The following HDAC9 variants were observed in gnomAD, a reference collection of about 807,000 sequenced individuals.
HDAC9 encodes the protein MEF-2 interacting transcription repressor (MITR) protein.
Under a neutral mutation model 139.4 loss-of-function variants are expected in HDAC9, and 41 were observed. The observed-to-expected ratio is 0.29, with a 90% CI of 0.23 to 0.38. The LOEUF (loss-of-function observed/expected upper bound fraction) is 0.38, where lower values mean the gene tolerates loss of function less well. Ranked by LOEUF, HDAC9 falls within the 10% of genes least tolerant of loss-of-function variation. HDAC9 has a pLI of 1.00. For synonymous variants in HDAC9, 517 were observed against 476.2 expected, an observed-to-expected ratio of 1.09 and a Z score of -1.12; for missense variants, 1,147 against 1,297.0, an observed-to-expected ratio of 0.88 and a Z score of 1.78.
At chr7:18,290,757 A>C (rs1401259712) in intron 1 of HDAC9, among the ~76,000 whole-genome samples, 1 of 152,206 alleles carries the variant, frequency 6.6e-6, no homozygotes, top group Non-Finnish European at 1.5e-5. Flanking sequence ...AGACAAGACT[A>C]AAGTATTTTG....
At chr7:18,398,800 A>G (rs769115747) in intron 1 of HDAC9, among the ~76,000 whole-genome samples, 10 of 151,816 alleles carry the variant, frequency 6.6e-5, no homozygotes, top group Non-Finnish European at 1.3e-4. Flanking sequence ...AAAGTAATAA[A>G]CCCCTGGAAA....
chr7:18,845,012 G>C (rs1796818664), intron 21 of HDAC9, among the ~76,000 whole-genome samples: 1 of 152,110 alleles, frequency 6.6e-6, no homozygotes, highest in South Asian at 2.1e-4. Flanking sequence ...CAGGAACAGA[G>C]ATAATAAAAT....
chr7:18,497,767 C>T (rs1797310490), intron 2 of HDAC9, among the ~76,000 whole-genome samples: 1 of 152,114 alleles, frequency 6.6e-6, no homozygotes, highest in South Asian at 2.1e-4. Context: ...ATCTTTTCAG[C>T]ACTATGCTTT....
intron 2 of HDAC9, among the ~76,000 whole-genome samples, chr7:18,176,949 A>G (rs1016780429): frequency 3.3e-5 from 5 of 152,220 alleles, no homozygotes; most frequent in Non-Finnish European, 7.3e-5. Context: ...CAGGAAGCCA[A>G]CTATAGATAT....
intron 2 of HDAC9, among the ~76,000 whole-genome samples, chr7:18,541,063 C>T (rs1248304102): frequency 6.7e-6 from 1 of 148,616 alleles, no homozygotes; most frequent in African/African-American, 2.5e-5. Context: ...ATACTAAATA[C>T]ATGGCATCTA....
upstream of HDAC9, among the ~76,000 whole-genome samples, chr7:18,493,192 T>G (rs1437588554): frequency 6.6e-6 from 1 of 151,918 alleles, no homozygotes; most frequent in East Asian, 1.9e-4. Context: ...CAATTGTTGT[T>G]TGAAGGTGTA....
chr7:18,202,912 C>T (rs1489511108), intron 2 of HDAC9, among the ~76,000 whole-genome samples: 1 of 152,176 alleles, frequency 6.6e-6, no homozygotes, highest in African/African-American at 2.4e-5. Context: ...TCAGTTTGCT[C>T]ATCTGCACAA....
chr7:18,165,364 A>G (rs1345702495), intron 2 of HDAC9, among the ~76,000 whole-genome samples: 1 of 152,216 alleles, frequency 6.6e-6, no homozygotes, highest in African/African-American at 2.4e-5. Context: ...ATTCAACAGC[A>G]CTAGTGTTTC....
intron 1 of HDAC9, among the ~76,000 whole-genome samples, chr7:18,401,923 G>T (rs1402926147): frequency 6.6e-6 from 1 of 152,108 alleles, no homozygotes; most frequent in Non-Finnish European, 1.5e-5. Flanking sequence ...TTCTCAATCT[G>T]TTGTTCCCTT....
chr7:18,293,890 A>G (rs1411460896), intron 1 of HDAC9, among the ~76,000 whole-genome samples: 1 of 152,174 alleles, frequency 6.6e-6, no homozygotes, highest in Non-Finnish European at 1.5e-5. Flanking sequence ...TAAACATTTA[A>G]TAAGTTTTAA....
intron 2 of HDAC9, among the ~76,000 whole-genome samples, chr7:18,169,674 T>C (rs1043548807): frequency 1.3e-5 from 2 of 152,136 alleles, no homozygotes; most frequent in African/African-American, 2.4e-5. Context: ...AGTGTTCTTA[T>C]TGTTCAGTTC....
At chr7:18,491,184 G>C (rs775055982), upstream of HDAC9, among the ~76,000 whole-genome samples, 4 of 151,628 alleles carry the variant, frequency 2.6e-5, no homozygotes, top group Admixed American at 1.3e-4. Flanking sequence ...CCCAAAAGAT[G>C]AAAATATAAT....
chr7:18,246,080 G>T (rs902402631), intron 2 of HDAC9, among the ~76,000 whole-genome samples: 4 of 149,514 alleles, frequency 2.7e-5, no homozygotes, highest in African/African-American at 9.9e-5. Context: ...TTCTAGCCAA[G>T]GAGACAATAA....
chr7:18,922,719 C>T (rs1803868361), intron 22 of HDAC9, among the ~76,000 whole-genome samples: 1 of 152,074 alleles, frequency 6.6e-6, no homozygotes, highest in Non-Finnish European at 1.5e-5. Context: ...TCCAATTATG[C>T]AGTAGGCTAT....
chr7:18,119,557 G>A (rs778112285), intron 1 of HDAC9, among the ~76,000 whole-genome samples: 11 of 152,302 alleles, frequency 7.2e-5, no homozygotes, highest in East Asian at 1.9e-4. Context: ...ACTGTTCAGC[G>A]TAGTGAAGGA....
At chr7:18,942,398 G>A (rs1032781516) in intron 23 of HDAC9, among the ~76,000 whole-genome samples, 5 of 152,006 alleles carry the variant, frequency 3.3e-5, no homozygotes, top group Non-Finnish European at 7.4e-5. Flanking sequence ...GGAGAGGTAT[G>A]TTGAGTAGAA....
intron 2 of HDAC9, among the ~76,000 whole-genome samples, chr7:18,578,915 A>G (rs117612740): frequency 2.5e-3 from 375 of 152,370 alleles, no homozygotes; most frequent in Non-Finnish European, 4.6e-3. Flanking sequence ...TTTGAGTCAC[A>G]GTTTAAACCA....
At chr7:18,103,604 G>T (rs1250056163) in intron 1 of HDAC9, among the ~76,000 whole-genome samples, 1 of 152,052 alleles carries the variant, frequency 6.6e-6, no homozygotes, top group Non-Finnish European at 1.5e-5. Flanking sequence ...GTTATTTTCA[G>T]TCTCTGTCAC....
intron 22 of HDAC9, among the ~76,000 whole-genome samples, chr7:18,877,040 T>C (rs1185682592): frequency 1.3e-5 from 2 of 152,116 alleles, no homozygotes; most frequent in African/African-American, 2.4e-5. Context: ...AGAGAACATA[T>C]TAGTGCCCAT....
Sources: gnomAD v4.1 joint callset for allele counts (sites outside exome capture counted in the v4.1 genomes callset) on GRCh38, gnomAD v4.1.1 for gene constraint, MANE v1.5 for transcripts, NCBI Gene and HGNC (gene_info 2026-07-23, HGNC 2026-07-21) for gene names.